The following GALNT13 variants were observed in gnomAD, a reference collection of about 807,000 sequenced individuals.
The protein encoded by GALNT13 is UDP-GalNAc:polypeptide N-acetylgalactosaminyltransferase 13.
GALNT13 carries 28 observed loss-of-function variants against 64.2 expected under a neutral mutation model. The ratio of observed to expected loss-of-function variants is 0.44; its 90% CI spans 0.32 to 0.60. The LOEUF is 0.60. GALNT13 is among the 20% of genes least tolerant of loss of function. The pLI is 0.05. For missense variants in GALNT13, 577 were observed against 669.8 expected (o/e 0.86, Z 1.53); for synonymous variants, 214 against 224.6 (o/e 0.95, Z 0.42).
At chr2:153,301,912 T>C in the GALNT13 span, among the ~76,000 whole-genome samples, 3 of 149,788 alleles carry the variant, frequency 2.0e-5, no homozygotes, top group African/African-American at 4.9e-5. Context: ...TGTGTGTGTG[T>C]ATAGTATATC....
chr2:154,321,047 T>C (rs1694596610), intron 9 of GALNT13, among the ~76,000 whole-genome samples: 1 of 152,110 alleles, frequency 6.6e-6, no homozygotes, highest in Non-Finnish European at 1.5e-5. Flanking sequence ...TTGGGAAATG[T>C]GTTAGCAACT....
the GALNT13 span, among the ~76,000 whole-genome samples, chr2:153,088,935 A>T: frequency 6.6e-6 from 1 of 152,108 alleles, no homozygotes; most frequent in Non-Finnish European, 1.5e-5. Context: ...GCCGGTGTGT[A>T]TCTTTAAAGT....
At chr2:153,789,744 G>A in the GALNT13 span, among the ~76,000 whole-genome samples, 2 of 152,122 alleles carry the variant, frequency 1.3e-5, no homozygotes, top group South Asian at 4.1e-4. Context: ...AAATGATAAA[G>A]GAGATTTTAC....
At position 153,992,088 on chromosome 2, in the gene GALNT13, A is replaced by T. The variant is rs1695195986; in HGVS notation, c.142+47449A>T. ...CCTTTCAGGGAAATAATAATATCTG[A>T]TAATTTTGTCCTAGGGCTTTATAAT... On this transcript the variant is annotated intron_variant, in intron 3 of 12. Coordinates refer to ENST00000392825, the MANE Select transcript of GALNT13 (RefSeq NM_052917.4). Among the ~76,000 whole-genome samples the T allele has an allele frequency of 1.3e-5, 2 of 152,176 alleles. 1 individual carries two copies. The highest frequency in any genetic ancestry group is 2.9e-5 in the Non-Finnish European group (2 of 68,042).
chr2:153,583,424 T>C, the GALNT13 span, among the ~76,000 whole-genome samples: 2 of 152,144 alleles, frequency 1.3e-5, no homozygotes, highest in East Asian at 1.9e-4. Flanking sequence ...GAATAAATTA[T>C]TCAAGCGGGA....
At chr2:154,412,823 C>A (rs761750975) in intron 11 of GALNT13, among the ~76,000 whole-genome samples, 15 of 151,570 alleles carry the variant, frequency 9.9e-5, no homozygotes, top group Non-Finnish European at 1.9e-4. Flanking sequence ...TTTTTTAAAG[C>A]CTTATAAATA....
At chr2:153,997,515 G>A (rs1695600925) in intron 3 of GALNT13, among the ~76,000 whole-genome samples, 1 of 151,948 alleles carries the variant, frequency 6.6e-6, no homozygotes, top group Non-Finnish European at 1.5e-5. Context: ...GATTTTCTGT[G>A]TTTATTTTGT....
chr2:154,008,310 G>A (rs67915532), intron 3 of GALNT13, among the ~76,000 whole-genome samples: 28,288 of 152,060 alleles, frequency 0.19, 3,370 homozygotes, highest in Non-Finnish European at 0.26. Context: ...TCCCTTAGGA[G>A]TATTTGGGTT....
At chr2:153,156,883 C>T in the GALNT13 span, among the ~76,000 whole-genome samples, 2 of 152,262 alleles carry the variant, frequency 1.3e-5, no homozygotes, top group South Asian at 4.1e-4. Flanking sequence ...GCTGACAGTA[C>T]AGATGAGACA....
the GALNT13 span, among the ~76,000 whole-genome samples, chr2:153,753,203 A>AC: frequency 6.6e-6 from 1 of 152,104 alleles, no homozygotes; most frequent in Non-Finnish European, 1.5e-5. Flanking sequence ...AATTACCTAT[A>AC]CAATAGGTCA....
chr2:154,392,471 TG>T (rs1432073533), intron 9 of GALNT13, among the ~76,000 whole-genome samples: 1 of 152,174 alleles, frequency 6.6e-6, no homozygotes, highest in East Asian at 1.9e-4. Flanking sequence ...TTATATTATC[TG>T]GTTGGTTTCC....
the GALNT13 span, chr2:153,592,892 A>C: frequency 6.6e-6 from 1 of 152,262 alleles, no homozygotes; most frequent in Non-Finnish European, 1.5e-5. Context: ...AGCCGGGTGA[A>C]ATACAGGGGT....
At chr2:153,163,785 C>T in the GALNT13 span, among the ~76,000 whole-genome samples, 4 of 152,098 alleles carry the variant, frequency 2.6e-5, no homozygotes, top group Non-Finnish European at 5.9e-5. Context: ...TTTGGGAGGC[C>T]AAGGCGGGCG....
At chr2:154,394,521 C>A (rs1319947163) in intron 9 of GALNT13, among the ~76,000 whole-genome samples, 2 of 152,098 alleles carry the variant, frequency 1.3e-5, no homozygotes, top group African/African-American at 4.8e-5. Context: ...TGAATTAAGT[C>A]CTCTGAAGAT....
At chr2:153,361,520 GAACAAAAATGACCTA>G in the GALNT13 span, among the ~76,000 whole-genome samples, 2 of 151,828 alleles carry the variant, frequency 1.3e-5, no homozygotes, top group African/African-American at 4.8e-5. Context: ...GCTTAGAGGG[GAACAAAAATGACCTA>G]ATGGAGCTGA....
the GALNT13 span, among the ~76,000 whole-genome samples, chr2:153,828,988 A>G: frequency 2.0e-5 from 3 of 152,206 alleles, no homozygotes; most frequent in Non-Finnish European, 4.4e-5. Flanking sequence ...GCTAAAGCAT[A>G]ACAAGAGTCA....
At chr2:153,702,164 G>C in the GALNT13 span, among the ~76,000 whole-genome samples, 6 of 152,300 alleles carry the variant, frequency 3.9e-5, no homozygotes, top group East Asian at 1.2e-3. Context: ...AAAGGAATGA[G>C]ATCATGTTCT....
chr2:153,966,801 A>T (rs2105112564), intron 3 of GALNT13, among the ~76,000 whole-genome samples: 1 of 152,002 alleles, frequency 6.6e-6, no homozygotes, highest in African/African-American at 2.4e-5. Context: ...CAGGTTTAGG[A>T]AGGTTTATGT....
chr2:153,147,156 G>GA, the GALNT13 span, among the ~76,000 whole-genome samples: 249 of 150,450 alleles, frequency 1.7e-3, 2 homozygotes, highest in Middle Eastern at 3.4e-3. Flanking sequence ...GGGCAAAAAA[G>GA]AAAAAAAAAG....
Sources: allele counts gnomAD v4.1 joint callset (sites outside exome capture counted in the v4.1 genomes callset), GRCh38; gene constraint gnomAD v4.1.1; transcripts MANE v1.5; gene names NCBI Gene and HGNC (gene_info 2026-07-23, HGNC 2026-07-21).